CFAP299: variants seen among roughly 807,000 people sequenced by gnomAD.
The protein encoded by CFAP299 is cilia and flagella associated protein 299, also known as cilia- and flagella-associated protein 299.
CFAP299 carries 21 observed loss-of-function variants against 27.0 expected under a neutral mutation model. The observed-to-expected ratio is 0.78, with a 90% CI of 0.55 to 1.12. The LOEUF is 1.12. CFAP299 is among the 50% of genes most tolerant of loss of function. CFAP299 has a pLI of 0.00. For synonymous variants in CFAP299, 104 were observed against 98.1 expected, an observed-to-expected ratio of 1.06 and a Z score of -0.36; for missense variants, 310 against 276.6, an observed-to-expected ratio of 1.12 and a Z score of -0.86.
chr4:80,489,584 A>G (rs1412461635), intron 2 of CFAP299, among the ~76,000 whole-genome samples: 5 of 152,122 alleles, frequency 3.3e-5, no homozygotes, highest in Admixed American at 3.3e-4. Flanking sequence ...GTTTATGTAT[A>G]ATGAAGCACT....
intron 3 of CFAP299, among the ~76,000 whole-genome samples, chr4:80,608,993 T>C (rs1432649056): frequency 1.3e-5 from 2 of 152,004 alleles, no homozygotes; most frequent in Non-Finnish European, 2.9e-5. Flanking sequence ...AACTTGAGAT[T>C]GCCTACATTT....
chr4:80,384,681 C>T (rs927676856), intron 2 of CFAP299, among the ~76,000 whole-genome samples: 16 of 152,102 alleles, frequency 1.1e-4, no homozygotes, highest in South Asian at 2.1e-4. Context: ...GAAATTGTTC[C>T]GAAAAATTAG....
chr4:80,587,846 C>A (rs1736527131), intron 3 of CFAP299, among the ~76,000 whole-genome samples: 1 of 152,124 alleles, frequency 6.6e-6, no homozygotes, highest in African/African-American at 2.4e-5. Flanking sequence ...CTTGCCTGGG[C>A]CTCCCAAAGT....
chr4:80,457,481 A>C (rs1729225599), intron 2 of CFAP299, among the ~76,000 whole-genome samples: 1 of 152,174 alleles, frequency 6.6e-6, no homozygotes, highest in African/African-American at 2.4e-5. Flanking sequence ...GGAGGCAAGA[A>C]ATGCCATTCA....
chr4:80,590,894 A>G (rs1340772975), intron 3 of CFAP299, among the ~76,000 whole-genome samples: 1 of 152,046 alleles, frequency 6.6e-6, no homozygotes, highest in Non-Finnish European at 1.5e-5. Flanking sequence ...GCTTTTACAT[A>G]ATGCTTTGTT....
At chr4:80,715,689 C>A (rs755196804) in intron 3 of CFAP299, among the ~76,000 whole-genome samples, 1 of 151,874 alleles carries the variant, frequency 6.6e-6, no homozygotes, top group Non-Finnish European at 1.5e-5. Context: ...ATAAAATGTA[C>A]GTTTTTCTTT....
chr4:80,812,570 A>G (rs1165925123), intron 3 of CFAP299, among the ~76,000 whole-genome samples: 2 of 152,094 alleles, frequency 1.3e-5, no homozygotes, highest in African/African-American at 4.8e-5. Context: ...ACCATCTCCA[A>G]GATACTACAT....
intron 4 of CFAP299, among the ~76,000 whole-genome samples, chr4:80,939,295 T>C (rs1015512588): frequency 5.3e-5 from 8 of 152,192 alleles, no homozygotes; most frequent in Non-Finnish European, 1.2e-4. Context: ...TCTGGAACTC[T>C]TATACTACAT....
intron 3 of CFAP299, among the ~76,000 whole-genome samples, chr4:80,618,588 A>G (rs2109928132): frequency 6.6e-6 from 1 of 152,252 alleles, no homozygotes; most frequent in Non-Finnish European, 1.5e-5. Context: ...TTCTTAGAAG[A>G]CAACATGGAA....
At chr4:80,375,164 G>T (rs1167295650) in intron 2 of CFAP299, among the ~76,000 whole-genome samples, 3 of 152,108 alleles carry the variant, frequency 2.0e-5, no homozygotes. Context: ...TGCTGGAAGG[G>T]ACATATTGTG....
At chr4:80,377,932 G>A (rs891706952) in intron 2 of CFAP299, among the ~76,000 whole-genome samples, 2 of 152,152 alleles carry the variant, frequency 1.3e-5, no homozygotes, top group African/African-American at 4.8e-5. Flanking sequence ...AGACAATAAT[G>A]AGGAAGAAGC....
chr4:80,714,882 C>T (rs929772378), intron 3 of CFAP299, among the ~76,000 whole-genome samples: 3 of 152,042 alleles, frequency 2.0e-5, no homozygotes, highest in Non-Finnish European at 4.4e-5. Context: ...ACTAATCATA[C>T]TTCCGACATT....
chr4:80,839,135 G>C (rs543194733), intron 3 of CFAP299, among the ~76,000 whole-genome samples: 2 of 152,236 alleles, frequency 1.3e-5, no homozygotes, highest in South Asian at 4.1e-4. Flanking sequence ...ATTGTGAACT[G>C]CTTGGTGGCA....
chr4:80,671,550 A>T (rs564369560), intron 3 of CFAP299, among the ~76,000 whole-genome samples: 2 of 152,236 alleles, frequency 1.3e-5, no homozygotes, highest in African/African-American at 4.8e-5. Flanking sequence ...TGGTAGCTTG[A>T]TGGGGATGGC....
At chr4:80,778,658 C>T (rs1338384745) in intron 3 of CFAP299, among the ~76,000 whole-genome samples, 1 of 152,026 alleles carries the variant, frequency 6.6e-6, no homozygotes, top group African/African-American at 2.4e-5. Context: ...TAAACCAATG[C>T]ACTGCAACAT....
intron 2 of CFAP299, among the ~76,000 whole-genome samples, chr4:80,436,972 G>A (rs1728119706): frequency 6.6e-6 from 1 of 152,088 alleles, no homozygotes; most frequent in South Asian, 2.1e-4. Context: ...TGATTTGAAG[G>A]AATTGCTTTA....
rs370404753 is a variant in CFAP299 at position 80,586,699 on chromosome 4, T to C, written c.333+3516T>C. On this transcript the variant is annotated intron_variant, in intron 3 of 5. Transcript: ENST00000358105. ...GGAGAGGAGATAATTATTTTTCAAA[T>C]GGTAGTAAACTAAGAATCCCTGATT... Among the ~76,000 whole-genome samples, 772 of 152,008 alleles carry C rather than the reference T, an allele frequency of 5.1e-3. 5 individuals carry two copies. Among genetic ancestry groups the C allele is most frequent in the Middle Eastern group, 0.02 (6 of 294 alleles).
intron 1 of CFAP299, among the ~76,000 whole-genome samples, chr4:80,343,266 T>C (rs552465861): frequency 1.3e-5 from 2 of 152,260 alleles, no homozygotes; most frequent in East Asian, 3.9e-4. Flanking sequence ...AGACAGATCA[T>C]TGAGACAGAA....
intron 4 of CFAP299, among the ~76,000 whole-genome samples, chr4:80,893,191 A>T (rs974343449): frequency 2.0e-5 from 3 of 151,654 alleles, no homozygotes; most frequent in African/African-American, 7.3e-5. Flanking sequence ...ATGTGAAAAA[A>T]CTATACACTG....
Sources: allele counts gnomAD v4.1 joint callset (sites outside exome capture counted in the v4.1 genomes callset), GRCh38; gene constraint gnomAD v4.1.1; transcripts MANE v1.5; gene names NCBI Gene and HGNC (gene_info 2026-07-23, HGNC 2026-07-21).